The following GLIS3 variants were observed in gnomAD, a reference collection of about 807,000 sequenced individuals.
GLIS3 encodes the protein zinc finger protein GLIS3.
Under a neutral mutation model 78.6 loss-of-function variants are expected in GLIS3, and 53 were observed. The observed-to-expected ratio is 0.67, with a 90% CI of 0.54 to 0.85. GLIS3 has a LOEUF of 0.85. Among genes scored for constraint, GLIS3 ranks in the 40% least tolerant of loss-of-function variants. GLIS3 has a pLI of 0.00. For missense variants in GLIS3, 1,703 were observed against 1,231.1 expected, an observed-to-expected ratio of 1.38 and a Z score of -5.74; for synonymous variants, 684 against 509.9, an observed-to-expected ratio of 1.34 and a Z score of -4.60.
chr9:4,385,622 G>A, the GLIS3 span, among the ~76,000 whole-genome samples: 2 of 141,248 alleles, frequency 1.4e-5, no homozygotes, highest in East Asian at 2.1e-4. Flanking sequence ...CTGAGATCAC[G>A]CTATTGCACT....
chr9:4,283,663 G>C (rs1827751199), intron 2 of GLIS3, among the ~76,000 whole-genome samples: 1 of 152,184 alleles, frequency 6.6e-6, no homozygotes, highest in Admixed American at 6.5e-5. Context: ...CTCCAGAACA[G>C]TGGCTCACCC....
intron 4 of GLIS3, among the ~76,000 whole-genome samples, chr9:3,967,287 T>A (rs973492666): frequency 1.3e-5 from 2 of 152,098 alleles, no homozygotes; most frequent in Non-Finnish European, 2.9e-5. Flanking sequence ...GCAGATCACC[T>A]AAGATCAGGA....
At chr9:4,117,033 T>G (rs1157305840) in intron 4 of GLIS3, among the ~76,000 whole-genome samples, 1 of 152,008 alleles carries the variant, frequency 6.6e-6, no homozygotes, top group Non-Finnish European at 1.5e-5. Flanking sequence ...ACAGAGAGAG[T>G]TCCAGGATGG....
the GLIS3 span, among the ~76,000 whole-genome samples, chr9:4,384,031 A>G: frequency 6.6e-6 from 1 of 152,222 alleles, no homozygotes; most frequent in Admixed American, 6.5e-5. Context: ...GCTGCCAATC[A>G]GTCATGTCAT....
intron 4 of GLIS3, among the ~76,000 whole-genome samples, chr9:4,088,710 G>T (rs915675007): frequency 1.3e-5 from 2 of 152,218 alleles, no homozygotes; most frequent in African/African-American, 4.8e-5. Flanking sequence ...TCTCCTCAAG[G>T]AACCTACAGT....
chr9:3,929,897 G>T (rs1450769425), intron 6 of GLIS3, among the ~76,000 whole-genome samples: 1 of 151,692 alleles, frequency 6.6e-6, no homozygotes, highest in African/African-American at 2.4e-5. Flanking sequence ...TTTAATTGCT[G>T]CCAGGAAATA....
chr9:4,305,238 A>G (rs1049456149), intron 4 of GLIS3: 1 of 152,160 alleles, frequency 6.6e-6, no homozygotes, highest in South Asian at 2.1e-4. Flanking sequence ...CCAGACATGT[A>G]TTTGTTTATT....
At chr9:4,034,405 G>C (rs1588500340) in intron 4 of GLIS3, 1 of 152,118 alleles carries the variant, frequency 6.6e-6, no homozygotes, top group South Asian at 2.1e-4. Context: ...CTTGTTTCTT[G>C]AATTAGCAGA....
chr9:4,298,879 C>A (rs894504625), intron 1 of GLIS3, among the ~76,000 whole-genome samples: 1 of 152,088 alleles, frequency 6.6e-6, no homozygotes, highest in African/African-American at 2.4e-5. Context: ...GAGACACAGG[C>A]GTGGAAAACA....
intron 4 of GLIS3, among the ~76,000 whole-genome samples, chr9:4,049,182 A>C (rs1825501005): frequency 6.6e-6 from 1 of 152,194 alleles, no homozygotes; most frequent in South Asian, 2.1e-4. Context: ...CTACTCCAGA[A>C]GTCTAGGATA....
intron 8 of GLIS3, among the ~76,000 whole-genome samples, chr9:3,876,384 CAAA>C (rs1821309663): frequency 6.6e-6 from 1 of 151,622 alleles, no homozygotes; most frequent in Non-Finnish European, 1.5e-5. Flanking sequence ...GGAAAACAAA[CAAA>C]AATCTCCAGC....
chr9:4,211,506 G>C (rs542099282), intron 2 of GLIS3, among the ~76,000 whole-genome samples: 3 of 152,328 alleles, frequency 2.0e-5, no homozygotes, highest in Admixed American at 1.3e-4. Context: ...CCAGACGGAG[G>C]GATGAAAGGG....
intron 2 of GLIS3, among the ~76,000 whole-genome samples, chr9:4,260,936 T>C (rs1405996416): frequency 2.0e-5 from 3 of 152,186 alleles, no homozygotes; most frequent in African/African-American, 4.8e-5. Context: ...ATGTGGCTAC[T>C]TCAAATTGAG....
chr9:4,154,862 G>GT lies in GLIS3; in HGVS notation c.389-28922dup, dbSNP rs1834936436. On this transcript the variant is annotated intron_variant, in intron 2 of 10. Transcript: ENST00000381971. ...CATTTTTAAAGATATTTGGTACAAC[G>GT]TAAGTTCAGTAAAAAAGAAAGCAAA... Among the ~76,000 whole-genome samples the GT allele has an allele frequency of 3.3e-5, 5 of 151,940 alleles. No homozygotes were observed. The South Asian group carries it at 1.0e-3, about 31-fold the overall frequency.
intron 2 of GLIS3, among the ~76,000 whole-genome samples, chr9:4,265,037 T>C (rs1279088896): frequency 6.6e-6 from 1 of 151,224 alleles, no homozygotes; most frequent in Non-Finnish European, 1.5e-5. Flanking sequence ...CCGGGTGTGG[T>C]GGCGGGCGCC....
chr9:4,080,811 C>T (rs535231359), intron 4 of GLIS3, among the ~76,000 whole-genome samples: 34 of 152,250 alleles, frequency 2.2e-4, no homozygotes, highest in African/African-American at 4.6e-4. Context: ...GGGCAGATAA[C>T]GCAAGGCTCT....
intron 2 of GLIS3, among the ~76,000 whole-genome samples, chr9:4,228,897 A>C (rs773615728): frequency 3.7e-4 from 56 of 152,228 alleles, no homozygotes; most frequent in Admixed American, 7.2e-4. Flanking sequence ...GGGCCAGAGA[A>C]AGAGGGTTCA....
At chr9:4,405,246 C>G in the GLIS3 span, among the ~76,000 whole-genome samples, 1 of 151,886 alleles carries the variant, frequency 6.6e-6, no homozygotes, top group Non-Finnish European at 1.5e-5. Context: ...CCCAGCTACT[C>G]AGGAGGCTGA....
chr9:4,324,706 G>A (rs752478849), intron 2 of GLIS3, among the ~76,000 whole-genome samples: 21 of 152,314 alleles, frequency 1.4e-4, no homozygotes, highest in Non-Finnish European at 2.1e-4. Context: ...GAAGCGGGAA[G>A]CCTGCCAATG....
Sources: gnomAD v4.1 joint callset for allele counts (sites outside exome capture counted in the v4.1 genomes callset) on GRCh38, gnomAD v4.1.1 for gene constraint, MANE v1.5 for transcripts, NCBI Gene and HGNC (gene_info 2026-07-23, HGNC 2026-07-21) for gene names.